MICU1: variants seen among roughly 807,000 people sequenced by gnomAD.
MICU1 encodes the protein calcium uptake protein 1, mitochondrial.
Under a neutral mutation model 56.8 loss-of-function variants are expected in MICU1, and 45 were observed. The ratio of observed to expected loss-of-function variants is 0.79; its 90% CI spans 0.62 to 1.02. The LOEUF (loss-of-function observed/expected upper bound fraction) is 1.02, where lower values mean the gene tolerates loss of function less well. MICU1 is among the 50% of genes least tolerant of loss of function. The probability of loss-of-function intolerance (pLI) is 0.00; values close to 1 mark genes in which losing one functional copy is unlikely to be tolerated. For synonymous variants in MICU1, 186 were observed against 195.1 expected (o/e 0.95, Z 0.39); for missense variants, 504 against 587.1 (o/e 0.86, Z 1.46).
intron 6 of MICU1, among the ~76,000 whole-genome samples, chr10:72,485,515 A>G (rs1373948926): frequency 1.3e-5 from 2 of 151,680 alleles, no homozygotes; most frequent in Non-Finnish European, 1.5e-5. Flanking sequence ...CCTCCCAACC[A>G]TTCTGTGACG....
In MICU1 at chr10:72,600,292, CAAAA is replaced by C. The variant is rs57782974; in HGVS notation, c.-2+25714_-2+25717del. ...GGGTGACAAGAGTGAAACTCCATCT[CAAAA>C]AAAAAAAAAAAAAGATCTACAATAA... On this transcript the variant is annotated intron_variant, in intron 1 of 11. Transcript: ENST00000361114. 2.0e-3 allele frequency among the ~76,000 whole-genome samples: 246 copies of C among 122,350 alleles called. 2 individuals carry two copies. The highest frequency in any genetic ancestry group is 3.0e-3 in the African/African-American group (103 of 33,980). 80.3% of individuals were successfully genotyped at this position (122,350 alleles called of 152,430 possible). A position where few individuals can be genotyped will look rare whatever the true frequency, so the allele number is the denominator to read the frequency against.
At chr10:72,475,620 G>T (rs1866094660) in intron 7 of MICU1, among the ~76,000 whole-genome samples, 1 of 151,866 alleles carries the variant, frequency 6.6e-6, no homozygotes, top group Admixed American at 6.6e-5. Flanking sequence ...ATAGAGACAG[G>T]GTTTCACCAG....
chr10:72,561,569 T>C (rs1589342742), intron 3 of MICU1, among the ~76,000 whole-genome samples: 1 of 152,238 alleles, frequency 6.6e-6, no homozygotes, highest in East Asian at 1.9e-4. Context: ...CCCAGCACTT[T>C]GGCAGGCCGA....
intron 10 of MICU1, among the ~76,000 whole-genome samples, chr10:72,405,853 C>T (rs140051295): frequency 9.9e-5 from 15 of 152,028 alleles, no homozygotes; most frequent in South Asian, 4.1e-4. Context: ...AATCTGACAA[C>T]GAGCAACTAT....
chr10:72,487,659 G>A (rs1036173750), intron 6 of MICU1, among the ~76,000 whole-genome samples: 5 of 152,138 alleles, frequency 3.3e-5, no homozygotes, highest in African/African-American at 7.2e-5. Flanking sequence ...ATATCTCCTC[G>A]TGAGAATGTT....
In MICU1 at chr10:72,375,810, C is replaced by A; in HGVS notation, c.1243G>T (p.Val415Leu). The change falls in exon 11 of 12, where the codon GTG becomes TTG. Residue 415 changes from valine to leucine, a missense_variant. Transcript: ENST00000361114. Reference protein sequence around the residue: ...KVELSDHVCDVVFALFDCDGN... With the variant: ...KVELSDHVCDLVFALFDCDGN... ...TCACAGTCAAAGAGTGCAAACACCA[C>A]ATCACACACGTGGTCTGAGAGCTCC... The A allele has an allele frequency of 6.2e-7, 1 of 1,613,322 alleles. No individual in the cohort carries two copies. The highest frequency in any genetic ancestry group is 1.3e-5 in the African/African-American group (1 of 75,044).
At chr10:72,608,243 AT>A (rs1183520912) in intron 1 of MICU1, among the ~76,000 whole-genome samples, 3 of 151,550 alleles carry the variant, frequency 2.0e-5, no homozygotes, top group Non-Finnish European at 4.4e-5. Flanking sequence ...TAATTTTTGT[AT>A]TTTTTTTAGT....
At position 72,562,957 on chromosome 10, in the gene MICU1, C is replaced by T. The variant is rs1386528272; in HGVS notation, c.268G>A (p.Ala90Thr). ...TCTTCTGGGTGAGGGGCAAGATCTG[C>T]AGTCTTTTTCTCATGGTTACAAACA... Reference protein sequence around the residue: ...GDVCNHEKKTADLAPHPEEKK... With the variant: ...GDVCNHEKKTTDLAPHPEEKK... Residue 90 changes from alanine (A) to threonine (T), a missense_variant, in exon 3 of 12, where the codon GCA (alanine) becomes ACA (threonine). By Grantham distance (58) the Ala-to-Thr change is moderately conservative. Coordinates refer to ENST00000361114, the MANE Select transcript of MICU1 (RefSeq NM_001195518.2). 1.9e-6 allele frequency: 3 copies of T among 1,608,994 alleles called. No individual in the cohort carries two copies. The highest frequency in any genetic ancestry group is 2.2e-5 in the South Asian group (2 of 89,744).
chr10:72,534,856 A>G (rs1022057636), intron 4 of MICU1, among the ~76,000 whole-genome samples: 1 of 152,074 alleles, frequency 6.6e-6, no homozygotes, highest in African/African-American at 2.4e-5. Flanking sequence ...AAGAAATGTT[A>G]GAAACAATTT....
At chr10:72,601,214 G>A (rs1221746371) in intron 1 of MICU1, among the ~76,000 whole-genome samples, 1 of 152,066 alleles carries the variant, frequency 6.6e-6, no homozygotes, top group Non-Finnish European at 1.5e-5. Context: ...TTGAGCCCAT[G>A]CATTCAAGAC....
chr10:72,506,968 CAT>C (rs755552375), intron 6 of MICU1, among the ~76,000 whole-genome samples: 1 of 151,612 alleles, frequency 6.6e-6, no homozygotes, highest in African/African-American at 2.4e-5. Context: ...AAGGCATATA[CAT>C]ATATATATAT....
chr10:72,467,039 C>T (rs183425316), intron 8 of MICU1, among the ~76,000 whole-genome samples: 2 of 151,830 alleles, frequency 1.3e-5, no homozygotes, highest in Admixed American at 6.6e-5. Flanking sequence ...CACTCTGTTG[C>T]CCAGGCTGGA....
intron 1 of MICU1, among the ~76,000 whole-genome samples, chr10:72,589,401 T>C (rs1841159631): frequency 6.6e-6 from 1 of 152,110 alleles, no homozygotes; most frequent in Non-Finnish European, 1.5e-5. Context: ...TTCTGAAGAC[T>C]CAAATGGAGG....
chr10:72,603,310 C>G (rs1841592979), intron 1 of MICU1, among the ~76,000 whole-genome samples: 1 of 150,460 alleles, frequency 6.6e-6, no homozygotes, highest in South Asian at 2.1e-4. Context: ...TAGCCTGAAC[C>G]TGGGAGATGG....
At position 72,408,129 on chromosome 10, in the gene MICU1, A is replaced by C. The variant is rs890752463; in HGVS notation, c.1072-92T>G. The C allele has an allele frequency of 1.7e-5, 12 of 716,496 alleles. No individual in the cohort carries two copies. The African/African-American group carries it at 1.9e-4, about 12-fold the overall frequency. 44.4% of individuals were successfully genotyped at this position (716,496 alleles called of 1,614,324 possible). On this transcript the variant is annotated intron_variant, in intron 9 of 11. Transcript: ENST00000361114. ...AGTGATTCACATCTGCAAATCAGAA[A>C]TTCATGCTCATGTCTAGAACAGAAA... is the stretch of plus-strand genomic sequence containing the variant.
At chr10:72,377,450 T>G (rs1264254579) in intron 10 of MICU1, among the ~76,000 whole-genome samples, 1 of 152,148 alleles carries the variant, frequency 6.6e-6, no homozygotes, top group African/African-American at 2.4e-5. Context: ...ATGCATATCT[T>G]TCTTTTAAAA....
chr10:72,422,112 G>A (rs1864195460), intron 9 of MICU1, among the ~76,000 whole-genome samples: 1 of 152,192 alleles, frequency 6.6e-6, no homozygotes, highest in South Asian at 2.1e-4. Flanking sequence ...TGGAGATGGG[G>A]CCTTAGAGGA....
At chr10:72,381,166 A>C (rs1862690494) in intron 10 of MICU1, among the ~76,000 whole-genome samples, 1 of 152,180 alleles carries the variant, frequency 6.6e-6, no homozygotes, top group Non-Finnish European at 1.5e-5. Flanking sequence ...TCCTAATGCA[A>C]AAGTGTTTGG....
chr10:72,438,597 C>A (rs1041584801), intron 8 of MICU1, among the ~76,000 whole-genome samples: 1 of 151,984 alleles, frequency 6.6e-6, no homozygotes, highest in African/African-American at 2.4e-5. Context: ...CAAAAAAAAT[C>A]AATGAATCCA....
Sources: gnomAD v4.1 joint callset for allele counts (sites outside exome capture counted in the v4.1 genomes callset) on GRCh38, gnomAD v4.1.1 for gene constraint, MANE v1.5 for transcripts, NCBI Gene and HGNC (gene_info 2026-07-23, HGNC 2026-07-21) for gene names.